The following PMFBP1 variants were observed in gnomAD, a reference collection of about 807,000 sequenced individuals.
PMFBP1 encodes the protein polyamine-modulated factor 1-binding protein 1.
In PMFBP1, 131 loss-of-function variants were observed where a neutral mutation model predicts 137.8. The observed-to-expected ratio is 0.95, with a 90% confidence interval of 0.82 to 1.10. The LOEUF (loss-of-function observed/expected upper bound fraction) is 1.10. Ranked by LOEUF, PMFBP1 falls within the 50% of genes least tolerant of loss-of-function variation. The probability of loss-of-function intolerance (pLI) is 0.00; values close to 1 mark genes in which losing one functional copy is unlikely to be tolerated. For missense variants in PMFBP1, 1,199 were observed against 1,175.4 expected (o/e 1.02, Z -0.29); for synonymous variants, 490 against 450.4 (o/e 1.09, Z -1.11).
intron 19 of PMFBP1, among the ~76,000 whole-genome samples, chr16:72,121,751 A>G (rs778960074): frequency 1.8e-4 from 28 of 151,940 alleles, no homozygotes; most frequent in Non-Finnish European, 3.2e-4. Context: ...CAGCCTCCCA[A>G]TTAGCTGGGA....
At chr16:72,145,658 G>C (rs1216604509) in intron 5 of PMFBP1, among the ~76,000 whole-genome samples, 8 of 152,080 alleles carry the variant, frequency 5.3e-5, no homozygotes, top group Non-Finnish European at 8.8e-5. Context: ...AGAAAAGAGA[G>C]AAGAATCAAA....
intron 3 of PMFBP1, among the ~76,000 whole-genome samples, chr16:72,157,632 GACTTTA>G (rs906921034): frequency 6.6e-6 from 1 of 152,108 alleles, no homozygotes; most frequent in Non-Finnish European, 1.5e-5. Flanking sequence ...CCATTCTCGA[GACTTTA>G]ACTTCTTTTG....
the PMFBP1 span, among the ~76,000 whole-genome samples, chr16:72,218,153 C>T: frequency 1.3e-5 from 2 of 152,144 alleles, no homozygotes; most frequent in Non-Finnish European, 2.9e-5. Context: ...AAAATCTGTG[C>T]TCTTTTCTCA....
intron 4 of PMFBP1, among the ~76,000 whole-genome samples, chr16:72,153,885 C>T (rs923636971): frequency 6.7e-6 from 1 of 148,374 alleles, no homozygotes; most frequent in African/African-American, 2.5e-5. Context: ...TTTGCATTTA[C>T]ATTGCAATGG....
At chr16:72,232,767 C>A in the PMFBP1 span, among the ~76,000 whole-genome samples, 1 of 152,068 alleles carries the variant, frequency 6.6e-6, no homozygotes, top group African/African-American at 2.4e-5. Flanking sequence ...AGGGAGACAG[C>A]CTTTAAGCAG....
chr16:72,151,268 G>A (rs1050883834), intron 4 of PMFBP1, among the ~76,000 whole-genome samples: 4 of 152,190 alleles, frequency 2.6e-5, no homozygotes, highest in Admixed American at 2.6e-4. Flanking sequence ...CCAAGAGATA[G>A]GTGGGGAACA....
chr16:72,245,727 C>T, the PMFBP1 span, among the ~76,000 whole-genome samples: 4 of 152,152 alleles, frequency 2.6e-5, no homozygotes, highest in Non-Finnish European at 5.9e-5. Context: ...CCGGTCTGTA[C>T]GGTGCCCTTC....
At chr16:72,200,578 G>A in the PMFBP1 span, among the ~76,000 whole-genome samples, 1 of 152,298 alleles carries the variant, frequency 6.6e-6, no homozygotes, top group African/African-American at 2.4e-5. Context: ...GAGAACGTCA[G>A]GAAAAAGCAG....
the PMFBP1 span, among the ~76,000 whole-genome samples, chr16:72,249,758 T>TA: frequency 2.8e-5 from 4 of 142,602 alleles, no homozygotes; most frequent in Non-Finnish European, 3.1e-5. Context: ...CTACTAAAAA[T>TA]ACAAAAAAAA....
the PMFBP1 span, among the ~76,000 whole-genome samples, chr16:72,228,303 G>A: frequency 8.5e-5 from 13 of 152,130 alleles, no homozygotes; most frequent in South Asian, 2.1e-4. Flanking sequence ...TATCGTGTAC[G>A]ATACCTCCAA....
intron 9 of PMFBP1, among the ~76,000 whole-genome samples, chr16:72,133,317 T>C (rs2042576569): frequency 6.6e-6 from 1 of 152,100 alleles, no homozygotes; most frequent in Admixed American, 6.5e-5. Flanking sequence ...TAGTTGGGAT[T>C]ACAGGTGTCC....
intron 9 of PMFBP1, among the ~76,000 whole-genome samples, chr16:72,134,676 G>C (rs2042598203): frequency 6.6e-6 from 1 of 152,184 alleles, no homozygotes; most frequent in Admixed American, 6.5e-5. Flanking sequence ...AACACTCCAA[G>C]CAGACCCCAC....
upstream of PMFBP1, among the ~76,000 whole-genome samples, chr16:72,179,387 C>A (rs1415920911): frequency 6.6e-6 from 1 of 152,134 alleles, no homozygotes; most frequent in Non-Finnish European, 1.5e-5. Context: ...CTGTCAAACG[C>A]CAGCTCAGTT....
At chr16:72,182,690 C>G in the PMFBP1 span, among the ~76,000 whole-genome samples, 5 of 152,278 alleles carry the variant, frequency 3.3e-5, no homozygotes, top group African/African-American at 1.2e-4. Context: ...TCCAAAAATA[C>G]CCATGCCCTA....
chr16:72,231,016 ACTG>A, the PMFBP1 span, among the ~76,000 whole-genome samples: 1 of 152,216 alleles, frequency 6.6e-6, no homozygotes, highest in Admixed American at 6.5e-5. Flanking sequence ...AGACAGGTTG[ACTG>A]CTTGGCTTGA....
At chr16:72,148,018 T>TG (rs1163926523) in intron 5 of PMFBP1, among the ~76,000 whole-genome samples, 1 of 152,180 alleles carries the variant, frequency 6.6e-6, no homozygotes, top group Non-Finnish European at 1.5e-5. Context: ...ATTCCATTAC[T>TG]GGGTATATAC....
chr16:72,221,849 T>C, the PMFBP1 span, among the ~76,000 whole-genome samples: 4 of 152,244 alleles, frequency 2.6e-5, no homozygotes, highest in African/African-American at 9.6e-5. Flanking sequence ...AAAGAGTTAC[T>C]GGTCTCTTGC....
chr16:72,218,341 T>C, the PMFBP1 span, among the ~76,000 whole-genome samples: 5,555 of 152,274 alleles, frequency 0.036, 326 homozygotes, highest in African/African-American at 0.13. Flanking sequence ...TTAAACTTTT[T>C]TTTTTCTTTT....
the PMFBP1 span, among the ~76,000 whole-genome samples, chr16:72,213,032 A>G: frequency 2.0e-5 from 3 of 152,248 alleles, no homozygotes; most frequent in Non-Finnish European, 4.4e-5. Context: ...ATTTATCTTC[A>G]CAGTATCTTT....
Sources: allele counts gnomAD v4.1 joint callset (sites outside exome capture counted in the v4.1 genomes callset), GRCh38; gene constraint gnomAD v4.1.1; transcripts MANE v1.5; gene names NCBI Gene and HGNC (gene_info 2026-07-23, HGNC 2026-07-21).